SHANK2: variants seen among roughly 807,000 people sequenced by gnomAD.
SHANK2 encodes the protein SH3 and multiple ankyrin repeat domains protein 2.
SHANK2 carries 43 observed loss-of-function variants against 133.7 expected under a neutral mutation model. That is an observed-to-expected ratio of 0.32 (90% confidence interval 0.25 to 0.41). The LOEUF (loss-of-function observed/expected upper bound fraction) is 0.41, where lower values mean the gene tolerates loss of function less well. SHANK2 is among the 10% of genes least tolerant of loss of function. SHANK2 has a pLI of 1.00. For synonymous variants in SHANK2, 1,017 were observed against 952.8 expected (o/e 1.07, Z -1.24); for missense variants, 1,994 against 2,235.8 (o/e 0.89, Z 2.18).
At chr11:71,112,697 C>T (rs1343168343) in intron 5 of SHANK2, among the ~76,000 whole-genome samples, 6 of 152,122 alleles carry the variant, frequency 3.9e-5, no homozygotes, top group Admixed American at 3.3e-4. Context: ...CAAAGTGCTC[C>T]GCCCACACAC....
chr11:70,780,576 AT>A (rs35733465), intron 14 of SHANK2, among the ~76,000 whole-genome samples: 13 of 140,848 alleles, frequency 9.2e-5, no homozygotes, highest in African/African-American at 1.6e-4. Context: ...CTGGTAATGC[AT>A]TTTTTTTTTT....
intron 10 of SHANK2, among the ~76,000 whole-genome samples, chr11:70,927,301 C>T (rs1027770386): frequency 6.6e-6 from 1 of 152,098 alleles, no homozygotes; most frequent in African/African-American, 2.4e-5. Flanking sequence ...ATTCTGAACT[C>T]GATCTCCAGA....
At chr11:70,894,017 T>C (rs1165854456) in intron 11 of SHANK2, among the ~76,000 whole-genome samples, 1 of 152,238 alleles carries the variant, frequency 6.6e-6, no homozygotes, top group Non-Finnish European at 1.5e-5. Context: ...GGGCATTCCT[T>C]TTATAATAAT....
At chr11:70,783,026 C>T (rs969438245) in intron 14 of SHANK2, among the ~76,000 whole-genome samples, 1 of 152,068 alleles carries the variant, frequency 6.6e-6, no homozygotes, top group East Asian at 1.9e-4. Context: ...GGATTCCTGC[C>T]GTCCTAAGAA....
intron 6 of SHANK2, among the ~76,000 whole-genome samples, chr11:71,107,128 G>A (rs1375953796): frequency 6.6e-6 from 1 of 152,086 alleles, no homozygotes; most frequent in Non-Finnish European, 1.5e-5. Flanking sequence ...AAAAAAGAAA[G>A]GGGAGTGGAG....
chr11:70,549,045 C>A (rs1321888691), intron 17 of SHANK2, among the ~76,000 whole-genome samples: 1 of 152,184 alleles, frequency 6.6e-6, no homozygotes, highest in East Asian at 1.9e-4. Context: ...AGCCCCCAAA[C>A]TGTCAGAGAC....
intron 11 of SHANK2, among the ~76,000 whole-genome samples, chr11:70,878,965 G>C (rs963070641): frequency 1.3e-5 from 2 of 152,130 alleles, no homozygotes; most frequent in Non-Finnish European, 2.9e-5. Context: ...CTCCCCCAGG[G>C]GACATCCTGA....
intron 17 of SHANK2, among the ~76,000 whole-genome samples, chr11:70,659,338 C>T (rs1032219027): frequency 6.6e-6 from 1 of 152,162 alleles, no homozygotes; most frequent in Non-Finnish European, 1.5e-5. Context: ...GGAAGGCCAT[C>T]GTCCATCTGA....
At chr11:70,792,948 T>C (rs1461157381) in intron 14 of SHANK2, among the ~76,000 whole-genome samples, 1 of 151,820 alleles carries the variant, frequency 6.6e-6, no homozygotes, top group Non-Finnish European at 1.5e-5. Context: ...TAAAATAAAT[T>C]TTAAAATAAG....
chr11:71,076,508 A>C (rs1376670042), intron 8 of SHANK2, among the ~76,000 whole-genome samples: 5,231 of 150,438 alleles, frequency 0.035, 137 homozygotes, highest in Non-Finnish European at 0.05. Context: ...ACAAAAAAAA[A>C]ACAAACAAAA....
chr11:70,912,185 C>T (rs868909435), intron 10 of SHANK2, among the ~76,000 whole-genome samples: 1 of 150,766 alleles, frequency 6.6e-6, no homozygotes, highest in Non-Finnish European at 1.5e-5. Flanking sequence ...GTGACACTTA[C>T]CACGTGACCT....
At chr11:70,717,541 T>G (rs1268801440) in intron 14 of SHANK2, among the ~76,000 whole-genome samples, 1 of 152,166 alleles carries the variant, frequency 6.6e-6, no homozygotes, top group Non-Finnish European at 1.5e-5. Flanking sequence ...ACACACCAAG[T>G]GCAAAGCCAT....
At chr11:71,172,556 C>A (rs1953337085) in intron 2 of SHANK2, among the ~76,000 whole-genome samples, 1 of 145,944 alleles carries the variant, frequency 6.9e-6, no homozygotes, top group Admixed American at 7.3e-5. Flanking sequence ...TGAGATCGCA[C>A]CACTGCAGTC....
At chr11:70,475,515 C>T (rs1473282434) in intron 25 of SHANK2, among the ~76,000 whole-genome samples, 1 of 152,140 alleles carries the variant, frequency 6.6e-6, no homozygotes, top group African/African-American at 2.4e-5. Context: ...TGGGTGAAAC[C>T]ACCCATCAGT....
At chr11:70,716,083 C>T (rs889621415) in intron 14 of SHANK2, among the ~76,000 whole-genome samples, 1 of 152,190 alleles carries the variant, frequency 6.6e-6, no homozygotes, top group Non-Finnish European at 1.5e-5. Context: ...ATGCCTGCCC[C>T]TCCAACACCC....
At chr11:70,543,471 C>A (rs2059649022) in intron 17 of SHANK2, among the ~76,000 whole-genome samples, 1 of 152,170 alleles carries the variant, frequency 6.6e-6, no homozygotes, top group Admixed American at 6.5e-5. Flanking sequence ...TTGAATCAAT[C>A]ATGTCCGTGT....
At chr11:70,937,729 C>T (rs1198056001) in intron 10 of SHANK2, among the ~76,000 whole-genome samples, 1 of 151,270 alleles carries the variant, frequency 6.6e-6, no homozygotes, top group Non-Finnish European at 1.5e-5. Flanking sequence ...TTTTAAAAGG[C>T]AAAGCTTGGA....
chr11:71,139,157 G>T (rs1276428604), intron 3 of SHANK2, among the ~76,000 whole-genome samples: 2 of 152,208 alleles, frequency 1.3e-5, no homozygotes, highest in African/African-American at 4.8e-5. Flanking sequence ...CTGAGCGTCT[G>T]CTGGGAGGTG....
chr11:70,864,037 A>G (rs995840435), intron 11 of SHANK2: 2 of 363,028 alleles, frequency 5.5e-6, no homozygotes, highest in Non-Finnish European at 1.1e-5. Flanking sequence ...CTGGCCCCTC[A>G]GTCTCTACGA....
Sources: gnomAD v4.1 joint callset for allele counts (sites outside exome capture counted in the v4.1 genomes callset) on GRCh38, gnomAD v4.1.1 for gene constraint, MANE v1.5 for transcripts, NCBI Gene and HGNC (gene_info 2026-07-23, HGNC 2026-07-21) for gene names.